The following CABIN1 variants were observed in gnomAD, a reference collection of about 807,000 sequenced individuals.
CABIN1 encodes the protein calcineurin-binding protein cabin-1.
CABIN1 carries 133 observed loss-of-function variants against 227.7 expected under a neutral mutation model. The ratio of observed to expected loss-of-function variants is 0.58; its 90% CI spans 0.51 to 0.67. CABIN1 has a LOEUF of 0.67. Among genes scored for constraint, CABIN1 ranks in the 30% least tolerant of loss-of-function variants. The pLI is 0.00. For synonymous variants in CABIN1, 1,086 were observed against 1,155.1 expected (o/e 0.94, Z 1.21); for missense variants, 2,408 against 2,852.5 (o/e 0.84, Z 3.55).
intron 28 of CABIN1, among the ~76,000 whole-genome samples, chr22:24,123,153 G>T (rs1429333363): frequency 6.6e-6 from 1 of 152,194 alleles, no homozygotes; most frequent in Non-Finnish European, 1.5e-5. Context: ...CCACCCAGTA[G>T]CAGGGATGGA....
chr22:24,064,278 T>C, intron 15 of CABIN1, 91 bp downstream of exon 15: 1 of 1,363,718 alleles, frequency 7.3e-7, no homozygotes, highest in South Asian at 1.2e-5. Context: ...CAATCTCGGC[T>C]CACTGCAACC....
chr22:24,178,157 G>C lies in CABIN1; in HGVS notation c.6624G>C (p.Glu2208Asp). Residue 2208 changes from glutamate (E) to aspartate (D), a missense_variant, in exon 37 of 37, where the codon GAG becomes GAC. Physicochemically the swap from Glu to Asp is conservative, Grantham distance 45. Transcript: ENST00000263119. ...LETSSQESSL[E>D]SETDEDDDYM... ...CATCCAGCCAGGAGTCCTCGCTGGAGAGCGAGACAGACGAGGACGACGACT... is the reference window on the plus strand; with the variant it reads ...CATCCAGCCAGGAGTCCTCGCTGGACAGCGAGACAGACGAGGACGACGACT... 6.2e-7 allele frequency: 1 copy of C among 1,613,614 alleles called. No individual in the cohort carries two copies. The highest frequency in any genetic ancestry group is 1.1e-5 in the South Asian group (1 of 91,084).
At chr22:24,130,186 TC>T (rs1461991631) in intron 28 of CABIN1, among the ~76,000 whole-genome samples, 3 of 152,152 alleles carry the variant, frequency 2.0e-5, no homozygotes, top group African/African-American at 4.8e-5. Context: ...TCCATGGGCC[TC>T]CTCCCATTCT....
At chr22:24,148,816 A>T (rs1432930006) in intron 29 of CABIN1, among the ~76,000 whole-genome samples, 3 of 152,240 alleles carry the variant, frequency 2.0e-5, no homozygotes, top group Non-Finnish European at 4.4e-5. Flanking sequence ...GCTCCTGAGC[A>T]GGCCGGGTGT....
At chr22:24,130,039 T>C (rs1193315284) in intron 28 of CABIN1, among the ~76,000 whole-genome samples, 1 of 152,246 alleles carries the variant, frequency 6.6e-6, no homozygotes, top group African/African-American at 2.4e-5. Flanking sequence ...GGTGCCTGTA[T>C]GCTTCTACGA....
intron 29 of CABIN1, chr22:24,155,983 GC>G: frequency 1.8e-6 from 1 of 558,710 alleles, no homozygotes; most frequent in Non-Finnish European, 3.1e-6. Context: ...CCCCGCCCCG[GC>G]CCGCCGCGAG....
intron 30 of CABIN1, among the ~76,000 whole-genome samples, chr22:24,164,880 A>G (rs2046359062): frequency 6.6e-6 from 1 of 152,140 alleles, no homozygotes; most frequent in Non-Finnish European, 1.5e-5. Context: ...GTCAGGTTGT[A>G]GGGAAAACAG....
intron 9 of CABIN1, among the ~76,000 whole-genome samples, chr22:24,055,872 G>A (rs1387493002): frequency 6.6e-6 from 1 of 152,188 alleles, no homozygotes; most frequent in East Asian, 1.9e-4. Flanking sequence ...TCCGTTCTGG[G>A]TAACAGAGTG....
chr22:24,026,669 G>A (rs2036113015), intron 1 of CABIN1, among the ~76,000 whole-genome samples: 1 of 152,102 alleles, frequency 6.6e-6, no homozygotes, highest in African/African-American at 2.4e-5. Context: ...AATTGCCTTT[G>A]CACCATAGTC....
chr22:24,111,828 C>T (rs1468544016), intron 26 of CABIN1, among the ~76,000 whole-genome samples: 1 of 152,216 alleles, frequency 6.6e-6, no homozygotes, highest in Non-Finnish European at 1.5e-5. Context: ...GACCTGTTTT[C>T]AAGTTTTGAT....
chr22:24,090,156 T>C (rs1415731269), intron 23 of CABIN1, among the ~76,000 whole-genome samples: 1 of 152,182 alleles, frequency 6.6e-6, no homozygotes, highest in East Asian at 1.9e-4. Context: ...CATTGTGCCC[T>C]GTATGGGGAA....
intron 26 of CABIN1, among the ~76,000 whole-genome samples, chr22:24,112,888 T>C (rs369499256): frequency 6.6e-6 from 1 of 152,150 alleles, no homozygotes; most frequent in African/African-American, 2.4e-5. Flanking sequence ...ACCTTTTCCA[T>C]AGCATCAACT....
In CABIN1 at chr22:24,070,749, C is replaced by T. The variant is rs779109356; in HGVS notation, c.2233-51C>T. ...AGTTGTCTCTGCTCAGGCCTTGGGCCCAGATGTGCTGAGCTCACCGTGCAC... is the reference window on the plus strand; with the variant it reads ...AGTTGTCTCTGCTCAGGCCTTGGGCTCAGATGTGCTGAGCTCACCGTGCAC... On this transcript the variant is annotated intron_variant, in intron 16 of 36. Transcript: ENST00000263119. The T allele has an allele frequency of 2.5e-5, 40 of 1,613,406 alleles. No homozygotes were observed. In the South Asian group the frequency reaches 3.2e-4, roughly 13 times the overall value.
chr22:24,090,412 A>C (rs2041464595), intron 23 of CABIN1, among the ~76,000 whole-genome samples: 1 of 152,096 alleles, frequency 6.6e-6, no homozygotes, highest in Non-Finnish European at 1.5e-5. Context: ...TCCCATCTTG[A>C]AGGGGATGTG....
At chr22:24,088,380 C>T (rs983623649) in intron 23 of CABIN1, among the ~76,000 whole-genome samples, 2 of 152,100 alleles carry the variant, frequency 1.3e-5, no homozygotes, top group African/African-American at 2.4e-5. Flanking sequence ...GAGACTGAGG[C>T]GGGCGGATCA....
Position 24,042,977 on chromosome 22 carries a change from T to TC in CABIN1, c.424dup (p.Leu142ProfsTer7). On this transcript the variant is annotated frameshift_variant, in exon 6 of 37. Coordinates refer to ENST00000263119, the MANE Select transcript of CABIN1 (RefSeq NM_012295.4). LOFTEE classifies it high-confidence loss of function. Reference sequence around the variant, plus strand: ...CATGTGGCCCTGAGGCTCATCCGGATCCCCCTGGCTCGCCATGCTTTTGAG... The same window carrying TC: ...CATGTGGCCCTGAGGCTCATCCGGATCCCCCCTGGCTCGCCATGCTTTTGAG... 11 of 1,613,840 alleles carry TC rather than the reference T, an allele frequency of 6.8e-6. No homozygotes were observed. The highest frequency in any genetic ancestry group is 9.3e-6 in the Non-Finnish European group (11 of 1,179,972).
At chr22:24,021,811 A>G (rs1381869811) in intron 1 of CABIN1, among the ~76,000 whole-genome samples, 2 of 152,142 alleles carry the variant, frequency 1.3e-5, no homozygotes, top group Admixed American at 6.5e-5. Flanking sequence ...CAGCTTCCCA[A>G]GTAGCTGGGA....
In CABIN1 at chr22:24,027,900, C is replaced by G. The variant is rs183085357; in HGVS notation, c.-74-7544C>G. Among the ~76,000 whole-genome samples the G allele has an allele frequency of 6.9e-4, 104 of 151,374 alleles. 1 individual carries two copies. Among genetic ancestry groups the G allele is most frequent in the Non-Finnish European group, 3.1e-4 (21 of 67,896 alleles). ...TAGCAGCACCAAATTGACTAAGATA[C>G]AGATTGAGGAGGTCTCTTCCACTTT... On this transcript the variant is annotated intron_variant, in intron 1 of 36. Transcript: ENST00000263119.
Position 24,113,598 on chromosome 22 carries a change from T to G in CABIN1, c.4150T>G (p.Ser1384Ala). The G allele has an allele frequency of 1.2e-6, 2 of 1,614,144 alleles. No individual in the cohort carries two copies. The highest frequency in any genetic ancestry group is 1.7e-6 in the Non-Finnish European group (2 of 1,180,026). The change falls in exon 27 of 37, where the codon TCA becomes GCA. Residue 1384 changes from serine (S) to alanine (A), a missense_variant. Physicochemically the swap from Ser to Ala is moderately conservative, Grantham distance 99. Around this residue, in one of 3 missense-constraint regions of CABIN1, gnomAD observed 649 missense variants for 910.3 expected, o/e 0.71. Coordinates refer to ENST00000263119, the MANE Select transcript of CABIN1 (RefSeq NM_012295.4). The part of the protein sequence containing the change: ...RSQDSTAVAL[S>A]DSSSTQDFFN... ...CCAGGACAGCACAGCCGTAGCACTC[T>G]CAGACTCTAGCTCAACGCAGGACTT...
Sources: allele counts gnomAD v4.1 joint callset (sites outside exome capture counted in the v4.1 genomes callset), GRCh38; gene constraint gnomAD v4.1.1; regional missense constraint gnomAD v4.1.1; transcripts MANE v1.5; gene names NCBI Gene and HGNC (gene_info 2026-07-23, HGNC 2026-07-21).